EXOC6B: variants seen among roughly 807,000 people sequenced by gnomAD.
EXOC6B encodes SEC15 homolog B.
A neutral mutation model predicts 113.5 loss-of-function variants in EXOC6B; 54 were observed. That is an observed-to-expected ratio of 0.48 (90% CI 0.38 to 0.60). The LOEUF (loss-of-function observed/expected upper bound fraction) is 0.60. Ranked by LOEUF, EXOC6B falls within the 20% of genes least tolerant of loss-of-function variation. The pLI is 0.00. For missense variants in EXOC6B, 797 were observed against 977.5 expected, an observed-to-expected ratio of 0.82 and a Z score of 2.46; for synonymous variants, 357 against 339.0, an observed-to-expected ratio of 1.05 and a Z score of -0.58.
intron 6 of EXOC6B, among the ~76,000 whole-genome samples, chr2:72,708,396 T>C (rs933674103): frequency 6.6e-6 from 1 of 152,250 alleles, no homozygotes; most frequent in African/African-American, 2.4e-5. Flanking sequence ...CAGTAAAATT[T>C]ACATTTGTGT....
intron 20 of EXOC6B, among the ~76,000 whole-genome samples, chr2:72,255,829 G>T (rs1461849765): frequency 6.6e-6 from 1 of 152,204 alleles, no homozygotes; most frequent in Non-Finnish European, 1.5e-5. Flanking sequence ...GACTTCTGGG[G>T]ATGTGGGGAA....
At chr2:72,605,114 CT>C (rs1670668379) in intron 6 of EXOC6B, among the ~76,000 whole-genome samples, 1 of 151,976 alleles carries the variant, frequency 6.6e-6, no homozygotes, top group Non-Finnish European at 1.5e-5. Context: ...GAAACCCTGT[CT>C]CTACTAAAAA....
In EXOC6B at chr2:72,471,180, C is replaced by G. The variant is rs1573199658; in HGVS notation, c.1801-5841G>C. 3.3e-5 allele frequency among the ~76,000 whole-genome samples: 5 copies of G among 152,230 alleles called. No individual in the cohort carries two copies. In the South Asian group the frequency reaches 1.0e-3, roughly 32 times the overall value. On this transcript the variant is annotated intron_variant, in intron 17 of 21. Coordinates refer to ENST00000272427, the MANE Select transcript of EXOC6B (RefSeq NM_015189.3). Reference sequence around the variant, plus strand: ...CATTCTAACTGGTGTGAGATGGTATCTCATTGTGGTTTTGATTTGCATTTC... The same window carrying G: ...CATTCTAACTGGTGTGAGATGGTATGTCATTGTGGTTTTGATTTGCATTTC...
chr2:72,794,659 C>T (rs1314950850), intron 1 of EXOC6B, among the ~76,000 whole-genome samples: 2 of 152,208 alleles, frequency 1.3e-5, no homozygotes, highest in African/African-American at 2.4e-5. Flanking sequence ...CCTACTATGA[C>T]TCACTCACTG....
At chr2:72,773,470 T>C (rs911541866) in intron 1 of EXOC6B, among the ~76,000 whole-genome samples, 17 of 149,134 alleles carry the variant, frequency 1.1e-4, no homozygotes, top group Non-Finnish European at 2.2e-4. Context: ...AAAAGGCAAC[T>C]ATGTGAGTTG....
chr2:72,379,319 A>G (rs1691544363), intron 19 of EXOC6B, among the ~76,000 whole-genome samples: 1 of 152,246 alleles, frequency 6.6e-6, no homozygotes, highest in Non-Finnish European at 1.5e-5. Context: ...ATTAATGCAC[A>G]TACCATTTGT....
chr2:72,244,401 C>T (rs1042236357), intron 20 of EXOC6B, among the ~76,000 whole-genome samples: 17 of 151,796 alleles, frequency 1.1e-4, no homozygotes, highest in Admixed American at 1.0e-3. Flanking sequence ...ATGCAGCAAA[C>T]GTAATTTTCA....
intron 1 of EXOC6B, among the ~76,000 whole-genome samples, chr2:72,822,685 T>TAC (rs1686649521): frequency 6.0e-5 from 6 of 100,124 alleles, no homozygotes; most frequent in Admixed American, 1.0e-4. Flanking sequence ...TTTAGGGATA[T>TAC]ACTAATCTAA....
Position 72,500,108 on chromosome 2 carries a change from A to G in EXOC6B, c.1168-136T>C, listed in dbSNP as rs906794968. On this transcript the variant is annotated intron_variant, in intron 11 of 21. Transcript: ENST00000272427. ...AAATTCTTTCCCTAGAAATAATTCA[A>G]CACTTCCCTGGTACAAGGTAACACC... 4.7e-6 allele frequency: 3 copies of G among 639,054 alleles called. No individual in the cohort carries two copies. In the South Asian group the frequency reaches 6.1e-5, roughly 13 times the overall value. The allele number at this position is 639,054 out of a possible 1,614,324, so 39.6% of individuals were successfully genotyped here. A position where few individuals can be genotyped will look rare whatever the true frequency, so the allele number is the denominator to read the frequency against.
At chr2:72,674,768 C>T (rs967235748) in intron 6 of EXOC6B, among the ~76,000 whole-genome samples, 1 of 151,758 alleles carries the variant, frequency 6.6e-6, no homozygotes, top group African/African-American at 2.4e-5. Context: ...CACTGCACTC[C>T]AGCCTGGGCG....
chr2:72,436,733 G>C (rs531353897), intron 18 of EXOC6B, among the ~76,000 whole-genome samples: 17 of 152,110 alleles, frequency 1.1e-4, no homozygotes, highest in African/African-American at 4.1e-4. Context: ...TTCTCGTGCT[G>C]TGTTTTTCAG....
At position 72,179,220 on chromosome 2, in the gene EXOC6B, A is replaced by G; in HGVS notation, c.*115T>C. 1 of 1,262,292 alleles carries G rather than the reference A, an allele frequency of 7.9e-7. No individual in the cohort carries two copies. Among genetic ancestry groups the G allele is most frequent in the Non-Finnish European group, 1.1e-6 (1 of 933,122 alleles). 78.2% of individuals were successfully genotyped at this position (1,262,292 alleles called of 1,614,324 possible). On this transcript the variant is annotated 3_prime_UTR_variant, in exon 22 of 22. Transcript: ENST00000272427. The stretch of plus-strand genomic sequence containing the variant: ...TGAATACTGCACAGGGGTTAATAAA[A>G]AAATACATATGCTCTCTTTGAAGAA...
At chr2:72,418,830 A>G (rs1422442360) in intron 18 of EXOC6B, among the ~76,000 whole-genome samples, 3 of 152,010 alleles carry the variant, frequency 2.0e-5, no homozygotes, top group Non-Finnish European at 4.4e-5. Flanking sequence ...TAGAGGAGGG[A>G]CTTTCTTTTG....
At chr2:72,750,641 G>C (rs1681981255) in intron 1 of EXOC6B, among the ~76,000 whole-genome samples, 2 of 152,124 alleles carry the variant, frequency 1.3e-5, no homozygotes, top group South Asian at 4.1e-4. Flanking sequence ...GTGAGGGAAG[G>C]AGAAAACTCC....
intron 20 of EXOC6B, among the ~76,000 whole-genome samples, chr2:72,185,154 G>A (rs181581467): frequency 5.9e-5 from 9 of 152,354 alleles, no homozygotes; most frequent in African/African-American, 1.9e-4. Context: ...TCATATCACT[G>A]CATAGAGGGA....
chr2:72,771,850 C>A (rs912537466), intron 1 of EXOC6B, among the ~76,000 whole-genome samples: 1 of 151,916 alleles, frequency 6.6e-6, no homozygotes, highest in Non-Finnish European at 1.5e-5. Flanking sequence ...TTACTGAGTA[C>A]CCTAAAGAGC....
At chr2:72,399,022 A>AG (rs1692957912) in intron 18 of EXOC6B, among the ~76,000 whole-genome samples, 1 of 151,524 alleles carries the variant, frequency 6.6e-6, no homozygotes, top group East Asian at 1.9e-4. Flanking sequence ...AAAAAAAAAA[A>AG]GAAAAAAATT....
chr2:72,799,258 A>AAAAC (rs1685154286), intron 1 of EXOC6B, among the ~76,000 whole-genome samples: 2 of 149,374 alleles, frequency 1.3e-5, no homozygotes, highest in African/African-American at 2.5e-5. Flanking sequence ...AAAAAAAAAA[A>AAAAC]AAACAAACAT....
intron 20 of EXOC6B, among the ~76,000 whole-genome samples, chr2:72,202,012 C>T (rs974738596): frequency 2.0e-5 from 3 of 152,190 alleles, no homozygotes; most frequent in East Asian, 1.9e-4. Flanking sequence ...GATGGAAAGA[C>T]TTCTTGCCTT....
Sources: allele counts gnomAD v4.1 joint callset (sites outside exome capture counted in the v4.1 genomes callset), GRCh38; gene constraint gnomAD v4.1.1; transcripts MANE v1.5; gene names NCBI Gene and HGNC (gene_info 2026-07-23, HGNC 2026-07-21).